MED16: variants seen among roughly 807,000 people sequenced by gnomAD.
MED16 encodes the protein mediator complex subunit 16.
Under a neutral mutation model 84.4 loss-of-function variants are expected in MED16, and 81 were observed. The observed-to-expected ratio is 0.96, with a 90% CI of 0.80 to 1.15. The LOEUF is 1.15. Ranked by LOEUF, MED16 falls within the 50% of genes most tolerant of loss-of-function variation. The probability of loss-of-function intolerance (pLI) is 0.00; values close to 1 mark genes in which losing one functional copy is unlikely to be tolerated. For missense variants in MED16, 1,585 were observed against 1,245.9 expected, an observed-to-expected ratio of 1.27 and a Z score of -4.10; for synonymous variants, 897 against 552.2, an observed-to-expected ratio of 1.62 and a Z score of -8.76.
intron 8 of MED16, among the ~76,000 whole-genome samples, chr19:878,367 C>A (rs2036317197): frequency 7.5e-5 from 1 of 13,332 alleles, no homozygotes; most frequent in Non-Finnish European, 1.6e-4. Context: ...CAGCCCCAGC[C>A]CCAGCCCCAG....
chr19:886,210 A>G lies in MED16; in HGVS notation c.448-9T>C. The G allele has an allele frequency of 8.7e-6, 13 of 1,498,596 alleles. No individual in the cohort carries two copies. The South Asian group carries it at 9.2e-5, about 11-fold the overall frequency. 92.8% of individuals were successfully genotyped at this position (1,498,596 alleles called of 1,614,324 possible). On this transcript the variant is annotated splice_polypyrimidine_tract_variant and intron_variant, in intron 4 of 15. Coordinates refer to ENST00000325464, the MANE Select transcript of MED16 (RefSeq NM_005481.3). Reference sequence around the variant, plus strand: ...AAGCTGGAGGCGCCCGACTGTGGAGAAGGGAGGGAGGGAGGAGGGGCCGCT... The same window carrying G: ...AAGCTGGAGGCGCCCGACTGTGGAGGAGGGAGGGAGGGAGGAGGGGCCGCT...
chr19:871,138 C>T lies in MED16; in HGVS notation c.2214G>A (p.Leu738=), dbSNP rs559652645. 56 of 1,548,198 alleles carry T rather than the reference C, an allele frequency of 3.6e-5. 1 individual carries two copies. The South Asian group carries it at 5.7e-4, about 16-fold the overall frequency. ...GCTGCTTGGGCTGCAGGCGGCTAAC[C>T]AGGCCGTCGCTGGCTGGCAGCCAGT... is the stretch of plus-strand genomic sequence containing the variant. ...SLDWLPASDG[L]VSRLQPKQPL... The change falls in exon 13 of 16, where the codon CTG becomes CTA. Residue 738 remains leucine (L), a synonymous_variant. Coordinates refer to ENST00000325464, the MANE Select transcript of MED16 (RefSeq NM_005481.3).
At chr19:877,882 G>T (rs1405691720) in intron 8 of MED16, among the ~76,000 whole-genome samples, 77 of 146,226 alleles carry the variant, frequency 5.3e-4, no homozygotes, top group African/African-American at 1.9e-3. Context: ...CCTTCCCCTG[G>T]TTGTCAATGC....
Position 868,198 on chromosome 19 carries a change from TC to T in MED16, c.2536del (p.Glu846LysfsTer43). The T allele has an allele frequency of 6.2e-7, 1 of 1,606,586 alleles. No individual in the cohort carries two copies. The highest frequency in any genetic ancestry group is 8.5e-7 in the Non-Finnish European group (1 of 1,177,236). ...GCCCAGCTGGACAAAGGCAGGGGCT[TC>T]CTCAGAAGCTCTGCTGGTCACGCAG... ...DACVTSRASE[E>X]APAFVQLGPQ... On this transcript the variant is annotated frameshift_variant, in exon 16 of 16. Coordinates refer to ENST00000325464, the MANE Select transcript of MED16 (RefSeq NM_005481.3). LOFTEE classifies it low-confidence loss of function (END_TRUNC).
At chr19:871,680 A>G (rs748706474) in intron 12 of MED16, 5 of 1,534,952 alleles carry the variant, frequency 3.3e-6, no homozygotes, top group Admixed American at 3.5e-5. Flanking sequence ...AATAGCAGAT[A>G]TCAAGGCAGA....
intron 8 of MED16, among the ~76,000 whole-genome samples, chr19:879,620 G>C (rs995944586): frequency 0.081 from 889 of 11,022 alleles, 1 homozygote; most frequent in South Asian, 0.14. Context: ...TGCCCCCCAA[G>C]CCCAGCCCCA....
rs2036612068 is a variant in MED16 at position 890,531 on chromosome 19, C to A, written c.170-287G>T. 3 of 384,584 alleles carry A rather than the reference C, an allele frequency of 7.8e-6. No homozygotes were observed. The East Asian group carries it at 1.3e-4, about 17-fold the overall frequency. 23.8% of individuals were successfully genotyped at this position (384,584 alleles called of 1,614,324 possible). ...GCAGATAATAGGTGGCTTTTTTGCA[C>A]CCCGATTTGATTCCAATTTTCTGTG... On this transcript the variant is annotated intron_variant, in intron 2 of 15. Coordinates refer to ENST00000325464, the MANE Select transcript of MED16 (RefSeq NM_005481.3).
At chr19:878,212 C>T (rs1182183349) in intron 8 of MED16, among the ~76,000 whole-genome samples, 53 of 118,314 alleles carry the variant, frequency 4.5e-4, no homozygotes, top group Middle Eastern at 8.2e-3. Flanking sequence ...AGCTCACCTT[C>T]CCCTGGTTGT....
At chr19:870,953 G>A (rs1055785826) in intron 13 of MED16, 84 bp downstream of exon 13, 72 of 1,352,250 alleles carry the variant, frequency 5.3e-5, no homozygotes, top group Middle Eastern at 5.2e-4. Context: ...ATGCAGGGAG[G>A]GAGCCGTGTG....
At chr19:882,724 G>C (rs2930893) in intron 6 of MED16, among the ~76,000 whole-genome samples, 38,667 of 152,224 alleles carry the variant, frequency 0.25, 5,277 homozygotes, top group African/African-American at 0.32. Flanking sequence ...AACAGAAACA[G>C]TGCAGGGCTG....
chr19:874,637 G>A (rs765689976), intron 10 of MED16, among the ~76,000 whole-genome samples: 9 of 152,228 alleles, frequency 5.9e-5, no homozygotes, highest in Non-Finnish European at 7.3e-5. Context: ...GCCCCCAGGA[G>A]TAGAGAGAGG....
intron 8 of MED16, among the ~76,000 whole-genome samples, chr19:879,077 GCCC>G (rs1466809475): frequency 9.2e-3 from 78 of 8,468 alleles, no homozygotes; most frequent in East Asian, 0.03. Context: ...CCCAGCCCCA[GCCC>G]CACGTGCCCC....
intron 5 of MED16, among the ~76,000 whole-genome samples, chr19:885,505 T>C (rs1334875495): frequency 1.3e-5 from 2 of 151,504 alleles, no homozygotes; most frequent in Non-Finnish European, 2.9e-5. Flanking sequence ...GGAGAGAATG[T>C]GGGAGGTTGA....
rs142622834 is a variant in MED16, at chr19:889,686, G to A, written c.399C>T (p.Ala133=). 4 of 1,613,770 alleles carry A rather than the reference G, an allele frequency of 2.5e-6. No homozygotes were observed. Among genetic ancestry groups the A allele is most frequent in the African/African-American group, 1.3e-5 (1 of 74,924 alleles). The change falls in exon 4 of 16, where the codon GCC becomes GCT. Residue 133 remains alanine (A), a synonymous_variant. Transcript: ENST00000325464. The stretch of plus-strand genomic sequence containing the variant: ...TCACACCATTGTGCAGCCAGGACAG[G>A]GCCACAATGGGGTCCCCCTCCACTA... The part of the protein sequence containing the change: ...GSLVEGDPIV[A]LSWLHNGVKL...
intron 4 of MED16, 133 bp from the exon 5 acceptor site, chr19:886,334 G>A (rs1350306507): frequency 1.3e-5 from 10 of 753,556 alleles, no homozygotes; most frequent in East Asian, 3.0e-5. Context: ...ATCCTGACTC[G>A]GCCACCTGAG....
At chr19:871,473 A>C (rs1197410417) in intron 12 of MED16, 2 of 1,452,892 alleles carry the variant, frequency 1.4e-6, no homozygotes, top group Non-Finnish European at 1.8e-6. Context: ...CTGGCCTGTC[A>C]TGAGACTCCC....
chr19:868,147 C>A lies in MED16; in HGVS notation c.2588G>T (p.Arg863Met). 1 of 1,611,784 alleles carries A rather than the reference C, an allele frequency of 6.2e-7. No individual in the cohort carries two copies. The highest frequency in any genetic ancestry group is 8.5e-7 in the Non-Finnish European group (1 of 1,179,568). The change falls in exon 16 of 16, where the codon AGG becomes ATG. Residue 863 changes from arginine (R) to methionine (M), a missense_variant. Arg to Met is a moderately conservative substitution (Grantham distance 91). Transcript: ENST00000325464. ...LGPQSTHHSP[R>M]TPRSLDHLHP... ...CAGATGGTCCAGGGATCTGGGGGTC[C>A]TGGGAGAGTGGTGTGTGGACTGCGG...
intron 13 of MED16, among the ~76,000 whole-genome samples, chr19:869,560 G>A (rs918118163): frequency 4.6e-5 from 7 of 152,182 alleles, no homozygotes; most frequent in Non-Finnish European, 1.0e-4. Flanking sequence ...ACCCTCGTGT[G>A]TGACTCATTA....
chr19:881,842 T>C (rs766719512), intron 6 of MED16, 128 bp from the exon 7 acceptor site: 42 of 1,143,486 alleles, frequency 3.7e-5, no homozygotes, highest in Non-Finnish European at 5.0e-5. Context: ...GCCGCCCTGC[T>C]CCCATGCCCA....
Sources: allele counts gnomAD v4.1 joint callset (sites outside exome capture counted in the v4.1 genomes callset), GRCh38; gene constraint gnomAD v4.1.1; transcripts MANE v1.5; gene names NCBI Gene and HGNC (gene_info 2026-07-23, HGNC 2026-07-21).